The following RAPGEF1 variants were observed in gnomAD, a reference collection of about 807,000 sequenced individuals.
The protein encoded by RAPGEF1 is Rap guanine nucleotide exchange factor 1.
A neutral mutation model predicts 143.3 loss-of-function variants in RAPGEF1; 33 were observed. That is an observed-to-expected ratio of 0.23 (90% CI 0.17 to 0.31). The LOEUF (loss-of-function observed/expected upper bound fraction) is 0.31, where lower values mean the gene tolerates loss of function less well. Among genes scored for constraint, RAPGEF1 ranks in the 10% least tolerant of loss-of-function variants. RAPGEF1 has a pLI of 1.00. For missense variants in RAPGEF1, 1,199 were observed against 1,645.4 expected (o/e 0.73, Z 4.69); for synonymous variants, 629 against 676.5 (o/e 0.93, Z 1.09).
chr9:131,593,902 T>G (rs752250800), intron 17 of RAPGEF1, among the ~76,000 whole-genome samples: 12 of 152,224 alleles, frequency 7.9e-5, no homozygotes, highest in Non-Finnish European at 1.8e-4. Context: ...TCAACTGGCC[T>G]TTGCGGGTGC....
At chr9:131,592,481 G>A (rs1299225915) in intron 17 of RAPGEF1, among the ~76,000 whole-genome samples, 3 of 152,182 alleles carry the variant, frequency 2.0e-5, no homozygotes, top group South Asian at 2.1e-4. Flanking sequence ...CTGGAGAACC[G>A]TGCTGTGGGA....
rs934937407 is a variant in RAPGEF1, at chr9:131,591,946, C to T, written c.2774+153G>A. The T allele has an allele frequency of 7.2e-6, 4 of 552,432 alleles. No individual in the cohort carries two copies. The African/African-American group carries it at 7.5e-5, about 10-fold the overall frequency. The allele number at this position is 552,432 out of a possible 1,614,324, so 34.2% of individuals were successfully genotyped here. A position where few individuals can be genotyped will look rare whatever the true frequency, so the allele number is the denominator to read the frequency against. Reference sequence around the variant, plus strand: ...GAATGCGGGAGGGTAGAGGTGGGAACCTCGGTCCATGGGGCTCCTGTGTCC... The same window carrying T: ...GAATGCGGGAGGGTAGAGGTGGGAATCTCGGTCCATGGGGCTCCTGTGTCC... On this transcript the variant is annotated intron_variant, in intron 18 of 26. Transcript: ENST00000683357.
At position 131,584,591 on chromosome 9, in the gene RAPGEF1, C is replaced by T. The variant is rs779896256; in HGVS notation, c.3239G>A (p.Arg1080Gln). 9 of 1,613,868 alleles carry T rather than the reference C, an allele frequency of 5.6e-6. No individual in the cohort carries two copies. The highest frequency in any genetic ancestry group is 1.1e-5 in the South Asian group (1 of 91,084). The change falls in exon 23 of 27, where the codon CGG becomes CAG. Residue 1080 changes from arginine (R) to glutamine (Q), a missense_variant. By Grantham distance (43) the Arg-to-Gln change is conservative (BLOSUM62 1). Coordinates refer to ENST00000683357, the MANE Select transcript of RAPGEF1 (RefSeq NM_001377935.1). The surrounding 1 kb of genome is among the most constrained non-coding windows in gnomAD (Gnocchi z 6.8). ...CTTTTCCTGTAACATGATTATGGACCGGACCCTGCATGGACCAAGGGAAAA... is the reference window on the plus strand; with the variant it reads ...CTTTTCCTGTAACATGATTATGGACTGGACCCTGCATGGACCAAGGGAAAA... ...EHFNNMSYWVRSIIMLQEKAQ... is the reference protein window; with the variant it reads ...EHFNNMSYWVQSIIMLQEKAQ...
In RAPGEF1 at chr9:131,653,676, T is replaced by A. The variant is rs535245683; in HGVS notation, c.62-2727A>T. ...AACTGAACGCCCTACACATTGCTGG[T>A]AGGAATGTAACATGGTTTCTCTGCT... is the stretch of plus-strand genomic sequence containing the variant. On this transcript the variant is annotated intron_variant, in intron 1 of 26. Transcript: ENST00000683357. 4.1e-4 allele frequency among the ~76,000 whole-genome samples: 63 copies of A among 152,334 alleles called. No individual in the cohort carries two copies. The South Asian group carries it at 0.012, about 30-fold the overall frequency.
intron 12 of RAPGEF1, 105 bp downstream of exon 12, chr9:131,618,946 G>A: frequency 9.6e-7 from 1 of 1,042,896 alleles, no homozygotes. Context: ...CCCGCAGAAG[G>A]GCAGGGGCCG....
At chr9:131,658,067 T>C (rs1973009695) in intron 1 of RAPGEF1, among the ~76,000 whole-genome samples, 2 of 152,230 alleles carry the variant, frequency 1.3e-5, no homozygotes, top group African/African-American at 2.4e-5. Context: ...ACTGGGTCGC[T>C]TCCAGCATTT....
chr9:131,638,819 A>G (rs747712840), intron 4 of RAPGEF1, 28 bp from the exon 5 acceptor site: 30 of 1,604,734 alleles, frequency 1.9e-5, no homozygotes, highest in Non-Finnish European at 2.6e-5. Context: ...ATGGAAAAAA[A>G]GAAAATCTAA....
At chr9:131,642,055 A>G (rs2133298380) in intron 4 of RAPGEF1, among the ~76,000 whole-genome samples, 1 of 152,336 alleles carries the variant, frequency 6.6e-6, no homozygotes, top group Middle Eastern at 3.4e-3. Flanking sequence ...AACAGGTACC[A>G]TGGAAGAAAA....
At position 131,586,370 on chromosome 9, in the gene RAPGEF1, A is replaced by ACC. The variant is rs1564453032; in HGVS notation, c.3233+1365_3233+1366insGG. ...CCGTCTCAAACACACACACACACACACACCCACCTGCAGAGCGAGACTCCG... is the reference window on the plus strand; with the variant it reads ...CCGTCTCAAACACACACACACACACACCCACCCACCTGCAGAGCGAGACTCCG... On this transcript the variant is annotated intron_variant, in intron 22 of 26. Coordinates refer to ENST00000683357, the MANE Select transcript of RAPGEF1 (RefSeq NM_001377935.1). 1.0e-4 allele frequency among the ~76,000 whole-genome samples: 13 copies of ACC among 125,378 alleles called. 3 individuals are homozygous for ACC. Among genetic ancestry groups the ACC allele is most frequent in the African/African-American group, 2.8e-4 (9 of 32,254 alleles). 82.3% of individuals were successfully genotyped at this position (125,378 alleles called of 152,430 possible).
chr9:131,632,882 ATAAT>A (rs1473421527), intron 5 of RAPGEF1, among the ~76,000 whole-genome samples: 1 of 152,186 alleles, frequency 6.6e-6, no homozygotes, highest in African/African-American at 2.4e-5. Context: ...TTCTGAAATA[ATAAT>A]TAAACAAGCA....
At chr9:131,624,914 T>G (rs1181576598) in intron 10 of RAPGEF1, among the ~76,000 whole-genome samples, 2 of 152,216 alleles carry the variant, frequency 1.3e-5, no homozygotes, top group African/African-American at 4.8e-5. Context: ...TGGGGATACA[T>G]GACATCATCG....
chr9:131,715,682 G>C (rs1389323839), intron 1 of RAPGEF1, among the ~76,000 whole-genome samples: 9 of 151,826 alleles, frequency 5.9e-5, no homozygotes, highest in Admixed American at 4.6e-4. Context: ...TGGCCAAGAT[G>C]GTGAAACCCC....
In RAPGEF1 at chr9:131,638,646, C is replaced by G; in HGVS notation, c.640G>C (p.Asp214His). Reference protein sequence around the residue: ...TVKGVIKAVLDGVKELVRLTI... With the variant: ...TVKGVIKAVLHGVKELVRLTI... ...ACCTGCACCGGTACCTTCACTCCAT[C>G]CAGCACAGCCTTGATGACCCCCTTC... Residue 214 changes from aspartate to histidine, a missense_variant, in exon 5 of 27, where the codon GAT becomes CAT. Transcript: ENST00000683357. The G allele has an allele frequency of 6.2e-7, 1 of 1,614,046 alleles. No individual in the cohort carries two copies. Among genetic ancestry groups the G allele is most frequent in the Non-Finnish European group, 8.5e-7 (1 of 1,179,884 alleles).
At position 131,630,284 on chromosome 9, in the gene RAPGEF1, G is replaced by A; in HGVS notation, c.692C>T (p.Ser231Phe). 2 of 1,613,718 alleles carry A rather than the reference G, an allele frequency of 1.2e-6. No individual in the cohort carries two copies. Among genetic ancestry groups the A allele is most frequent in the Non-Finnish European group, 1.7e-6 (2 of 1,179,864 alleles). The stretch of plus-strand genomic sequence containing the variant: ...ACTGGGCTTCACGGGGCTCGTCGGA[G>A]ACGGACGTCCCTGCTTCTCGATGGT... ...RLTIEKQGRP[S>F]PTSPVKPSSP... Residue 231 changes from serine (S) to phenylalanine (F), a missense_variant, in exon 6 of 27, where the codon TCT becomes TTT. This residue lies in a region of RAPGEF1 where 613 missense variants were observed against 710.9 expected (regional missense o/e 0.86). Coordinates refer to ENST00000683357, the MANE Select transcript of RAPGEF1 (RefSeq NM_001377935.1).
At chr9:131,597,523 T>C (rs773834143) in intron 16 of RAPGEF1, among the ~76,000 whole-genome samples, 8 of 152,140 alleles carry the variant, frequency 5.3e-5, no homozygotes, top group Non-Finnish European at 1.2e-4. Flanking sequence ...CCCAAAACAG[T>C]TGCCTCCTGG....
chr9:131,637,436 C>T (rs1487600630), intron 5 of RAPGEF1, among the ~76,000 whole-genome samples: 1 of 152,142 alleles, frequency 6.6e-6, no homozygotes, highest in Admixed American at 6.5e-5. Flanking sequence ...CTTTCTCAGC[C>T]TCTCTCTATA....
intron 12 of RAPGEF1, among the ~76,000 whole-genome samples, chr9:131,612,279 CATGG>C (rs1958140069): frequency 6.6e-6 from 1 of 152,186 alleles, no homozygotes; most frequent in African/African-American, 2.4e-5. Context: ...GTTTGCCTGT[CATGG>C]ATGGAGTCAG....
intron 10 of RAPGEF1, among the ~76,000 whole-genome samples, chr9:131,624,031 C>A (rs542074162): frequency 6.6e-6 from 1 of 152,268 alleles, no homozygotes; most frequent in East Asian, 1.9e-4. Flanking sequence ...ACGGAGAAGA[C>A]CAACCCCTGC....
chr9:131,627,191 G>C (rs1190835023), intron 9 of RAPGEF1, among the ~76,000 whole-genome samples: 2 of 139,176 alleles, frequency 1.4e-5, no homozygotes, highest in Non-Finnish European at 3.0e-5. Flanking sequence ...TCCAGCCTGG[G>C]TGACAGAGTG....
Sources: gnomAD v4.1 joint callset for allele counts (sites outside exome capture counted in the v4.1 genomes callset) on GRCh38, gnomAD v4.1.1 for gene constraint, gnomAD v4.1.1 regional missense constraint, Gnocchi (gnomAD v3.1) non-coding constraint, MANE v1.5 for transcripts, NCBI Gene and HGNC (gene_info 2026-07-23, HGNC 2026-07-21) for gene names.